Variants in RNF213 observed in about 807,000 individuals in gnomAD.
RNF213 encodes ring finger protein 213, also known as E3 ubiquitin-protein ligase RNF213.
In RNF213, 341 loss-of-function variants were observed where a neutral mutation model predicts 514.4. The ratio of observed to expected loss-of-function variants is 0.66; its 90% CI spans 0.61 to 0.73. RNF213 has a LOEUF of 0.73. Ranked by LOEUF, RNF213 falls within the 30% of genes least tolerant of loss-of-function variation. The pLI is 0.00. For missense variants in RNF213, 5,767 were observed against 6,615.6 expected (o/e 0.87, Z 4.45); for synonymous variants, 2,655 against 2,658.2 (o/e 1.00, Z 0.04).
chr17:80,337,420 A>T, intron 23 of RNF213, 166 bp from the exon 24 acceptor site: 1 of 782,950 alleles, frequency 1.3e-6, no homozygotes, highest in Non-Finnish European at 2.0e-6. Flanking sequence ...TCAGGGTGGC[A>T]CCTGGTCCAG....
At chr17:80,355,592 G>T (rs1192486604) in intron 36 of RNF213, among the ~76,000 whole-genome samples, 7 of 80,034 alleles carry the variant, frequency 8.7e-5, no homozygotes, top group African/African-American at 2.5e-4. Flanking sequence ...GGGAATGGGG[G>T]CTTACAGGGG....
rs1451019902 is a variant in RNF213, at chr17:80,346,716, A to T, written c.8381A>T (p.Asp2794Val). ...DAMQGPAAYS[D>V]LFRSLKQVHL... ...ATGCAGGGCCCGGCTGCCTACTCAGATCTCTTCCGCAGCCTGAAGCAGGTC... is the reference window on the plus strand; with the variant it reads ...ATGCAGGGCCCGGCTGCCTACTCAGTTCTCTTCCGCAGCCTGAAGCAGGTC... The change falls in exon 29 of 68, where the codon GAT (aspartate) becomes GTT (valine). Residue 2794 changes from aspartate (D) to valine (V), a missense_variant. This residue lies in a region of RNF213 where 105 missense variants were observed against 183.9 expected (regional missense o/e 0.57). Coordinates refer to ENST00000582970, the MANE Select transcript of RNF213 (RefSeq NM_001256071.3). The surrounding 1 kb of genome is among the most constrained non-coding windows in gnomAD (Gnocchi z 8.1). 6.2e-7 allele frequency: 1 copy of T among 1,611,722 alleles called. No individual in the cohort carries two copies. Among genetic ancestry groups the T allele is most frequent in the Non-Finnish European group, 8.5e-7 (1 of 1,179,942 alleles).
In RNF213 at chr17:80,360,139, C is replaced by T. The variant is rs199769742; in HGVS notation, c.11133C>T (p.Phe3711=). The change falls in exon 38 of 68, where the codon TTC becomes TTT. Residue 3711 remains phenylalanine, a synonymous_variant. Coordinates refer to ENST00000582970, the MANE Select transcript of RNF213 (RefSeq NM_001256071.3). ...AGAACGCTTCCAACAACGTCCCTTT[C>T]AGCTGGAAAATCAAGGACTATCTGG... ...LSENASNNVP[F]SWKIKDYLEE... is the part of the protein sequence containing the mutation. 2.9e-5 allele frequency: 47 copies of T among 1,614,044 alleles called. No individual in the cohort carries two copies. Among genetic ancestry groups the T allele is most frequent in the Admixed American group, 6.7e-5 (4 of 59,994 alleles).
intron 63 of RNF213, 148 bp downstream of exon 63, chr17:80,387,039 C>A: frequency 3.8e-6 from 3 of 783,034 alleles, no homozygotes; most frequent in South Asian, 3.1e-5. Flanking sequence ...CCCGAGGCCA[C>A]CACGCCACCT....
rs1215234897 is a variant in RNF213, at chr17:80,389,468, C to T, written c.15195+101C>T. ...TTCAGGGAGTGCCACTCTAGGCGCT[C>T]CTGAAAAGGATGGGGAGACAAGAAC... On this transcript the variant is annotated intron_variant, in intron 65 of 67. Transcript: ENST00000582970. 5 of 1,041,898 alleles carry T rather than the reference C, an allele frequency of 4.8e-6. No homozygotes were observed. In the African/African-American group the frequency reaches 6.3e-5, roughly 13 times the overall value. 64.5% of individuals were successfully genotyped at this position (1,041,898 alleles called of 1,614,324 possible). A position where few individuals can be genotyped will look rare whatever the true frequency, so the allele number is the denominator to read the frequency against.
chr17:80,292,794 G>A (rs1167739207), intron 8 of RNF213, among the ~76,000 whole-genome samples: 3 of 151,926 alleles, frequency 2.0e-5, no homozygotes, highest in South Asian at 4.2e-4. Context: ...GCTTCCCCTC[G>A]CTCCCCCTCC....
Position 80,317,086 on chromosome 17 carries a change from C to T in RNF213, c.2812-102C>T, listed in dbSNP as rs1316329310. On this transcript the variant is annotated intron_variant, in intron 15 of 67. Coordinates refer to ENST00000582970, the MANE Select transcript of RNF213 (RefSeq NM_001256071.3). This position sits in a 1 kb window ranked among gnomAD's most constrained non-coding sequence, Gnocchi z 4.1. The stretch of plus-strand genomic sequence containing the variant: ...GAGCCCTGGTGTTCGCGGAGTCCCG[C>T]GCTCTCTGTATTGCCGTAATGCTCT... 1.6e-5 allele frequency: 21 copies of T among 1,275,438 alleles called. No individual in the cohort carries two copies. Among genetic ancestry groups the T allele is most frequent in the Middle Eastern group, 2.3e-4 (1 of 4,256 alleles). 79.0% of individuals were successfully genotyped at this position (1,275,438 alleles called of 1,614,324 possible).
chr17:80,290,414 C>T (rs560407712), intron 6 of RNF213, among the ~76,000 whole-genome samples, 156 bp from the exon 7 acceptor site: 34 of 146,712 alleles, frequency 2.3e-4, no homozygotes, highest in Middle Eastern at 3.9e-3. Context: ...TGTGTGTGTG[C>T]GTGTGTGCGA....
At chr17:80,355,782 ATG>A (rs2078784875) in intron 36 of RNF213, among the ~76,000 whole-genome samples, 1 of 123,702 alleles carries the variant, frequency 8.1e-6, no homozygotes, top group Non-Finnish European at 1.6e-5. Flanking sequence ...ATGGGGGCTC[ATG>A]GAGGAAAAAG....
At chr17:80,333,369 G>A (rs2046472365) in intron 21 of RNF213, among the ~76,000 whole-genome samples, 1 of 150,386 alleles carries the variant, frequency 6.6e-6, no homozygotes, top group South Asian at 2.1e-4. Context: ...TGAGTCTTCT[G>A]CTTCTTATGT....
chr17:80,274,428 G>A (rs73442437), intron 3 of RNF213, among the ~76,000 whole-genome samples: 4,155 of 149,216 alleles, frequency 0.028, 87 homozygotes, highest in East Asian at 0.11. Context: ...AAGACCCAGA[G>A]GGCAGTGTCA....
At chr17:80,298,295 A>G in intron 10 of RNF213, 26 bp from the exon 11 acceptor site, 1 of 1,612,600 alleles carries the variant, frequency 6.2e-7, no homozygotes, top group Non-Finnish European at 8.5e-7. Context: ...AGCTCAGCTC[A>G]CTGCGGGATC....
chr17:80,312,566 G>T (rs1186972048), intron 14 of RNF213, among the ~76,000 whole-genome samples: 1 of 134,362 alleles, frequency 7.4e-6, no homozygotes, highest in African/African-American at 2.8e-5. Context: ...GCAGGGGGAG[G>T]GCATGATGGG....
intron 8 of RNF213, among the ~76,000 whole-genome samples, chr17:80,293,158 G>T (rs1471584892): frequency 6.6e-6 from 1 of 152,048 alleles, no homozygotes; most frequent in Non-Finnish European, 1.5e-5. Context: ...CCAGGGCTCA[G>T]CTGATCCTCC....
At chr17:80,337,463 C>T in intron 23 of RNF213, 123 bp from the exon 24 acceptor site, 1 of 1,323,676 alleles carries the variant, frequency 7.6e-7, no homozygotes, top group South Asian at 1.4e-5. Flanking sequence ...GCGTCCTGAG[C>T]CCTGGGGAAG....
At position 80,383,037 on chromosome 17, in the gene RNF213, G is replaced by A; in HGVS notation, c.14037G>A (p.Lys4679=). The change falls in exon 58 of 68, where the codon AAG becomes AAA. Residue 4679 remains lysine, a synonymous_variant. Coordinates refer to ENST00000582970, the MANE Select transcript of RNF213 (RefSeq NM_001256071.3). ...STKEMRNNWE[K]EIAAVISPEL... ...AAGAAATGAGGAACAACTGGGAAAA[G>A]GAAATCGCAGCTGTGATTTCTCCTG... 6.2e-7 allele frequency: 1 copy of A among 1,613,956 alleles called. No homozygotes were observed. The highest frequency in any genetic ancestry group is 8.5e-7 in the Non-Finnish European group (1 of 1,179,848).
chr17:80,282,224 G>A (rs990279277), intron 3 of RNF213, among the ~76,000 whole-genome samples: 18 of 152,230 alleles, frequency 1.2e-4, no homozygotes, highest in Admixed American at 1.0e-3. Context: ...CATAGATGCT[G>A]TATGAACAGT....
At chr17:80,283,988 C>T (rs1162090674) in intron 3 of RNF213, among the ~76,000 whole-genome samples, 2 of 152,140 alleles carry the variant, frequency 1.3e-5, no homozygotes, top group Non-Finnish European at 2.9e-5. Flanking sequence ...CTTTGGGAGG[C>T]CGAGGTGGGT....
At chr17:80,369,951 G>A (rs188167719) in intron 46 of RNF213, 84 bp downstream of exon 46, 51 of 926,430 alleles carry the variant, frequency 5.5e-5, no homozygotes, top group Middle Eastern at 2.1e-4. Context: ...TCTTCTTGTC[G>A]TGACTAGTAG....
Sources: allele counts gnomAD v4.1 joint callset (sites outside exome capture counted in the v4.1 genomes callset), GRCh38; gene constraint gnomAD v4.1.1; regional missense constraint gnomAD v4.1.1; non-coding constraint Gnocchi (gnomAD v3.1); transcripts MANE v1.5; gene names NCBI Gene and HGNC (gene_info 2026-07-23, HGNC 2026-07-21).